The following RADIL variants were observed in gnomAD, a reference collection of about 807,000 sequenced individuals.
RADIL encodes ras-associating and dilute domain-containing protein.
In RADIL, 99 loss-of-function variants were observed where a neutral mutation model predicts 97.6. The ratio of observed to expected loss-of-function variants is 1.01; its 90% CI spans 0.86 to 1.20. The LOEUF (loss-of-function observed/expected upper bound fraction) is 1.20, where lower values mean the gene tolerates loss of function less well. Ranked by LOEUF, RADIL falls within the 50% of genes most tolerant of loss-of-function variation. The pLI is 0.00. For missense variants in RADIL, 1,765 were observed against 1,498.9 expected (o/e 1.18, Z -2.93); for synonymous variants, 803 against 691.8 (o/e 1.16, Z -2.52).
intron 2 of RADIL, chr7:4,861,434 T>C (rs1161075941): frequency 6.2e-7 from 1 of 1,614,186 alleles, no homozygotes; most frequent in Non-Finnish European, 8.5e-7. Flanking sequence ...GTCGCTTCGA[T>C]CCACATGACT....
intron 2 of RADIL, among the ~76,000 whole-genome samples, chr7:4,853,762 T>G (rs1183020144): frequency 9.4e-6 from 1 of 106,844 alleles, no homozygotes. Flanking sequence ...AAAAAAAAAA[T>G]ACGCTGGGTG....
intron 5 of RADIL, among the ~76,000 whole-genome samples, chr7:4,828,270 C>T (rs1562440042): frequency 1.3e-5 from 2 of 152,194 alleles, no homozygotes; most frequent in Non-Finnish European, 2.9e-5. Flanking sequence ...CCAGCCTGGG[C>T]CAACATAGTG....
chr7:4,877,835 A>G lies in RADIL; in HGVS notation c.305T>C (p.Leu102Pro). Residue 102 changes from leucine to proline, a missense_variant, in exon 2 of 15, where the codon CTG (leucine) becomes CCG (proline). Physicochemically the swap from Leu to Pro is moderately conservative, Grantham distance 98. Coordinates refer to ENST00000399583, the MANE Select transcript of RADIL (RefSeq NM_018059.5). ...LVKEALERYA[L>P]DPRQAGQYVL... is the part of the protein sequence containing the mutation. ...GTACTGGCCGGCCTGCCTGGGGTCC[A>G]GGGCGTACCGCTCCAGCGCCTCCTT... is the stretch of plus-strand genomic sequence containing the variant. 6.2e-7 allele frequency: 1 copy of G among 1,607,532 alleles called. No homozygotes were observed. Among genetic ancestry groups the G allele is most frequent in the Admixed American group, 1.7e-5 (1 of 60,004 alleles).
At chr7:4,868,620 A>T (rs1293522265) in intron 2 of RADIL, among the ~76,000 whole-genome samples, 1 of 152,160 alleles carries the variant, frequency 6.6e-6, no homozygotes, top group Non-Finnish European at 1.5e-5. Flanking sequence ...TTTCTAGTGG[A>T]TGTTTTGCCG....
Position 4,816,411 on chromosome 7 carries a change from G to A in RADIL, c.1783C>T (p.Arg595Cys), listed in dbSNP as rs774854763. The change falls in exon 8 of 15, where the codon CGC (arginine) becomes TGC (cysteine). Residue 595 changes from arginine (R) to cysteine (C), a missense_variant. By Grantham distance (180) the Arg-to-Cys change is radical. Coordinates refer to ENST00000399583, the MANE Select transcript of RADIL (RefSeq NM_018059.5). ...LLECPPFQTE[R>C]RESWSSAPEL... ...GGGGCCGAGGACCAGCTCTCACGGCGCTCCGTCTGGAATGGCGGGCACTCC... is the reference window on the plus strand; with the variant it reads ...GGGGCCGAGGACCAGCTCTCACGGCACTCCGTCTGGAATGGCGGGCACTCC... 3.7e-5 allele frequency: 60 copies of A among 1,608,810 alleles called. No homozygotes were observed. The highest frequency in any genetic ancestry group is 4.6e-5 in the Non-Finnish European group (54 of 1,178,596).
intron 2 of RADIL, among the ~76,000 whole-genome samples, chr7:4,868,709 C>A (rs1784185995): frequency 6.6e-6 from 1 of 152,188 alleles, no homozygotes; most frequent in Non-Finnish European, 1.5e-5. Context: ...CAAACATTTT[C>A]TTCTAGTATA....
intron 2 of RADIL, among the ~76,000 whole-genome samples, chr7:4,870,866 C>T (rs987192783): frequency 6.6e-6 from 1 of 152,198 alleles, no homozygotes; most frequent in Non-Finnish European, 1.5e-5. Flanking sequence ...GTCCCCAGGG[C>T]AGGAGGGGGT....
At chr7:4,859,865 T>C in intron 2 of RADIL, 4 of 1,451,368 alleles carry the variant, frequency 2.8e-6, no homozygotes, top group Non-Finnish European at 3.8e-6. Context: ...TCCTTTCTTC[T>C]TTATGAGGCA....
chr7:4,799,832 C>T, intron 13 of RADIL, 63 bp from the exon 14 acceptor site: 1 of 1,439,930 alleles, frequency 6.9e-7, no homozygotes, highest in South Asian at 1.5e-5. Context: ...GCGAGGACCA[C>T]TGCAGCCCCT....
At position 4,834,721 on chromosome 7, in the gene RADIL, C is replaced by G. The variant is rs200562570; in HGVS notation, c.1302G>C (p.Leu434=). The G allele has an allele frequency of 3.7e-3, 5,166 of 1,410,542 alleles. 13 individuals are homozygous for G. The highest frequency in any genetic ancestry group is 4.6e-3 in the Non-Finnish European group (4,949 of 1,075,402). The allele number at this position is 1,410,542 out of a possible 1,614,324, so 87.4% of individuals were successfully genotyped here. Residue 434 remains leucine (L), a synonymous_variant, in exon 4 of 15, where the codon CTG becomes CTC. Transcript: ENST00000399583. This position sits in a 1 kb window ranked among gnomAD's most constrained non-coding sequence, Gnocchi z 6.0. ...AGAGGCACAGGAGGAAGGCGGGGGT[C>G]AGCTTGTGGTCGTCGCCCCCCGGCT... ...LIEPGGDDHK[L]TPAFLLCLCI...
intron 2 of RADIL, chr7:4,838,113 G>A: frequency 1.1e-6 from 1 of 946,434 alleles, no homozygotes; most frequent in Non-Finnish European, 1.3e-6. Context: ...GTGCGAGGCT[G>A]CTGGGCTGGG....
rs1027774578 is a variant in RADIL at position 4,799,024 on chromosome 7, C to G, written c.*354G>C. On this transcript the variant is annotated 3_prime_UTR_variant, in exon 15 of 15. Transcript: ENST00000399583. ...TGCATTCTCCCGTGCCGGTGGCAGG[C>G]AGAGGCCATGGGGAGCCCCTGCGGC... 4.2e-5 allele frequency: 11 copies of G among 264,696 alleles called. No individual in the cohort carries two copies. The Admixed American group carries it at 5.4e-4, about 13-fold the overall frequency. The allele number at this position is 264,696 out of a possible 1,614,324, so 16.4% of individuals were successfully genotyped here.
At chr7:4,861,433 A>C (rs201940926) in intron 2 of RADIL, 9 of 1,614,042 alleles carry the variant, frequency 5.6e-6, no homozygotes, top group Non-Finnish European at 7.6e-6. Context: ...AGTCGCTTCG[A>C]TCCACATGAC....
rs1480597794 is a variant in RADIL, at chr7:4,860,188, G to A, written c.535+17417C>T. 3.7e-6 allele frequency: 6 copies of A among 1,613,854 alleles called. No individual in the cohort carries two copies. In the African/African-American group the frequency reaches 8.0e-5, roughly 22 times the overall value. ...TAATCAATGGGCCTGTCTTCATAGT[G>A]CTAGTAGATGAAGGCACAGACATGC... On this transcript the variant is annotated intron_variant, in intron 2 of 14. Coordinates refer to ENST00000399583, the MANE Select transcript of RADIL (RefSeq NM_018059.5).
chr7:4,817,382 A>G lies in RADIL; in HGVS notation c.1616-31T>C, dbSNP rs1348795306. On this transcript the variant is annotated intron_variant, in intron 6 of 14. Coordinates refer to ENST00000399583, the MANE Select transcript of RADIL (RefSeq NM_018059.5). This position sits in a 1 kb window ranked among gnomAD's most constrained non-coding sequence, Gnocchi z 8.3. The stretch of plus-strand genomic sequence containing the variant: ...GGGAGACAGCCACGCCAATGGTCAC[A>G]ACGGGCACAGCGCTCAGGAACGCAG... 11 of 1,592,030 alleles carry G rather than the reference A, an allele frequency of 6.9e-6. No individual in the cohort carries two copies. Among genetic ancestry groups the G allele is most frequent in the Non-Finnish European group, 9.4e-6 (11 of 1,165,946 alleles).
At chr7:4,863,856 T>C (rs1784076638) in intron 2 of RADIL, among the ~76,000 whole-genome samples, 1 of 152,222 alleles carries the variant, frequency 6.6e-6, no homozygotes, top group Non-Finnish European at 1.5e-5. Flanking sequence ...CTGCTAAACT[T>C]AAGTTTCTCA....
At chr7:4,804,500 C>T (rs755629959) in intron 10 of RADIL, among the ~76,000 whole-genome samples, 1 of 152,228 alleles carries the variant, frequency 6.6e-6, no homozygotes, top group Non-Finnish European at 1.5e-5. Flanking sequence ...TTATAATGCA[C>T]CCCTGGCCGG....
Position 4,869,631 on chromosome 7 carries a change from C to T in RADIL, c.535+7974G>A, listed in dbSNP as rs555451773. ...ATTTATGATGCATGCTATAGCCCAC[C>T]CAATTCCCACAGGGTATTTGGTCTG... On this transcript the variant is annotated intron_variant, in intron 2 of 14. Transcript: ENST00000399583. 1.2e-4 allele frequency among the ~76,000 whole-genome samples: 18 copies of T among 152,148 alleles called. No homozygotes were observed. The South Asian group carries it at 2.9e-3, about 25-fold the overall frequency.
chr7:4,871,049 A>G (rs1192743175), intron 2 of RADIL, among the ~76,000 whole-genome samples: 3 of 152,254 alleles, frequency 2.0e-5, no homozygotes, highest in Non-Finnish European at 4.4e-5. Context: ...GGAAATGCTC[A>G]AACACGTCTT....
Sources: gnomAD v4.1 joint callset for allele counts (sites outside exome capture counted in the v4.1 genomes callset) on GRCh38, gnomAD v4.1.1 for gene constraint, Gnocchi (gnomAD v3.1) non-coding constraint, MANE v1.5 for transcripts, NCBI Gene and HGNC (gene_info 2026-07-23, HGNC 2026-07-21) for gene names.